Variants in DNAH17 observed in about 807,000 individuals in gnomAD.
DNAH17 encodes dynein axonemal heavy chain 17.
DNAH17 carries 376 observed loss-of-function variants against 485.6 expected under a neutral mutation model. The ratio of observed to expected loss-of-function variants is 0.77; its 90% CI spans 0.71 to 0.84. The LOEUF (loss-of-function observed/expected upper bound fraction) is 0.84, where lower values mean the gene tolerates loss of function less well. DNAH17 is among the 40% of genes least tolerant of loss of function. DNAH17 has a pLI of 0.00. For missense variants in DNAH17, 6,370 were observed against 5,839.3 expected (o/e 1.09, Z -2.96); for synonymous variants, 3,031 against 2,405.9 (o/e 1.26, Z -7.60).
At chr17:78,474,121 C>A (rs2088900102) in intron 54 of DNAH17, among the ~76,000 whole-genome samples, 1 of 152,222 alleles carries the variant, frequency 6.6e-6, no homozygotes, top group Non-Finnish European at 1.5e-5. Context: ...AGGGTCTCTG[C>A]CTGCAGACAC....
intron 44 of DNAH17, among the ~76,000 whole-genome samples, chr17:78,486,943 T>A (rs1275810976): frequency 6.6e-6 from 1 of 150,762 alleles, no homozygotes; most frequent in Non-Finnish European, 1.5e-5. Flanking sequence ...CATTACATCA[T>A]CTGGACTCCT....
chr17:78,531,026 T>C (rs1422390791), intron 20 of DNAH17, among the ~76,000 whole-genome samples: 1 of 152,220 alleles, frequency 6.6e-6, no homozygotes, highest in Non-Finnish European at 1.5e-5. Context: ...TCTGCAGCTG[T>C]TGGGTAAAGT....
rs766955113 is a variant in DNAH17 at position 78,510,514 on chromosome 17, A to G, written c.4114-8T>C. 6.2e-7 allele frequency: 1 copy of G among 1,613,112 alleles called. No homozygotes were observed. The highest frequency in any genetic ancestry group is 1.1e-5 in the South Asian group (1 of 91,050). ...TGACATTTTAAATTTCACCTAAGGGAAAAAAATCCAGGCAGGATTCATTTC... is the reference window on the plus strand; with the variant it reads ...TGACATTTTAAATTTCACCTAAGGGGAAAAAATCCAGGCAGGATTCATTTC... On this transcript the variant is annotated splice_region_variant and splice_polypyrimidine_tract_variant and intron_variant, in intron 26 of 80. Transcript: ENST00000389840.
chr17:78,553,077 A>G (rs1406721298), intron 14 of DNAH17, among the ~76,000 whole-genome samples: 1 of 152,042 alleles, frequency 6.6e-6, no homozygotes, highest in South Asian at 2.1e-4. Flanking sequence ...TCTCCTTTTT[A>G]AACAGGTGTA....
chr17:78,445,110 GTCT>G (rs1275557275), intron 70 of DNAH17, among the ~76,000 whole-genome samples: 1 of 151,576 alleles, frequency 6.6e-6, no homozygotes, highest in African/African-American at 2.4e-5. Flanking sequence ...CCTTCTTCAG[GTCT>G]TTTTGAACAG....
At chr17:78,492,275 C>T (rs550263323) in intron 42 of DNAH17, among the ~76,000 whole-genome samples, 7 of 152,198 alleles carry the variant, frequency 4.6e-5, no homozygotes, top group Admixed American at 6.5e-5. Flanking sequence ...CAGAGCCCAC[C>T]GACTGAGGCC....
intron 4 of DNAH17, 45 bp from the exon 5 acceptor site, chr17:78,571,423 C>T (rs117047821): frequency 0.011 from 16,983 of 1,555,458 alleles, 112 homozygotes; most frequent in Non-Finnish European, 0.013. Flanking sequence ...CCTGGAAGAC[C>T]CTAAGGCGAG....
chr17:78,544,095 C>T, intron 16 of DNAH17, 98 bp from the exon 17 acceptor site: 1 of 1,534,168 alleles, frequency 6.5e-7, no homozygotes, highest in Non-Finnish European at 8.9e-7. Flanking sequence ...TTCGTCACTG[C>T]TGCCTGATCT....
At chr17:78,556,285 A>G (rs11867523) in intron 14 of DNAH17, among the ~76,000 whole-genome samples, 123,953 of 152,010 alleles carry the variant, frequency 0.82, 50,586 homozygotes, top group East Asian at 0.88. Flanking sequence ...GGAGAACTCT[A>G]ACTAATACAA....
rs549411457 is a variant in DNAH17, at chr17:78,512,066, G to A, written c.4114-1560C>T. ...GGGCCCTGGACAGTGTGGTGGGGGCGGAGCAGGAGCCTCTAACACTCCTCC... is the reference window on the plus strand; with the variant it reads ...GGGCCCTGGACAGTGTGGTGGGGGCAGAGCAGGAGCCTCTAACACTCCTCC... On this transcript the variant is annotated intron_variant, in intron 26 of 80. Coordinates refer to ENST00000389840, the MANE Select transcript of DNAH17 (RefSeq NM_173628.4). Among the ~76,000 whole-genome samples, 44 of 152,278 alleles carry A rather than the reference G, an allele frequency of 2.9e-4. No homozygotes were observed. The South Asian group carries it at 4.1e-3, about 14-fold the overall frequency.
chr17:78,529,288 C>T (rs533813069), intron 22 of DNAH17, among the ~76,000 whole-genome samples, 184 bp downstream of exon 22: 6 of 152,260 alleles, frequency 3.9e-5, no homozygotes, highest in African/African-American at 1.4e-4. Flanking sequence ...GGAGGCAGTC[C>T]CCAGGGTCTC....
In DNAH17 at chr17:78,486,467, C is replaced by T. The variant is rs553670291; in HGVS notation, c.6858G>A (p.Ser2286=). 2.8e-5 allele frequency: 45 copies of T among 1,612,942 alleles called. No individual in the cohort carries two copies. The highest frequency in any genetic ancestry group is 1.3e-4 in the East Asian group (6 of 44,872). Residue 2286 remains serine (S), a synonymous_variant, in exon 45 of 81, where the codon TCG becomes TCA. Coordinates refer to ENST00000389840, the MANE Select transcript of DNAH17 (RefSeq NM_173628.4). Reference sequence around the variant, plus strand: ...AGAGGATCATCAGGTTGGCCTTCTCCGACTGCACCTTGCGCCTCTCGATCC... The same window carrying T: ...AGAGGATCATCAGGTTGGCCTTCTCTGACTGCACCTTGCGCCTCTCGATCC... ...SSWIERRKVQ[S]EKANLMILFD...
At chr17:78,459,653 G>A (rs2087995941) in intron 60 of DNAH17, 131 bp downstream of exon 60, 3 of 963,282 alleles carry the variant, frequency 3.1e-6, no homozygotes, top group Admixed American at 2.3e-5. Flanking sequence ...GGTGCTGTAT[G>A]GGGAAGGGGC....
Position 78,501,853 on chromosome 17 carries a change from G to A in DNAH17, c.5211C>T (p.Leu1737=), listed in dbSNP as rs1331566417. Residue 1737 remains leucine, a synonymous_variant, in exon 34 of 81, where the codon CTC becomes CTT. Transcript: ENST00000389840. The part of the protein sequence containing the change: ...NKKQISQLNV[L]ITLLMGNLNA... ...TGAGGTTCCCCATGAGCAGCGTGAT[G>A]AGTACGTTCAGCTGGCTAATCTGCG... The A allele has an allele frequency of 6.2e-7, 1 of 1,614,040 alleles. No homozygotes were observed. The highest frequency in any genetic ancestry group is 8.5e-7 in the Non-Finnish European group (1 of 1,179,904).
chr17:78,437,549 A>T, intron 74 of DNAH17, 92 bp downstream of exon 74: 2 of 935,340 alleles, frequency 2.1e-6, no homozygotes. Flanking sequence ...CCCAGAGTTC[A>T]GAGCGGTCCT....
chr17:78,574,981 T>C lies in DNAH17; in HGVS notation c.77A>G (p.Lys26Arg). ...ASIVLKFKPD[K>R]WSKLIGAEEN... is the part of the protein sequence containing the mutation. ...CTCGGCGCCTATCAGCTTGCTCCAC[T>C]TGTCCGGCTTGAACTTCAGGACGAT... The change falls in exon 2 of 81, where the codon AAG becomes AGG. Residue 26 changes from lysine to arginine, a missense_variant. Coordinates refer to ENST00000389840, the MANE Select transcript of DNAH17 (RefSeq NM_173628.4). 1.2e-6 allele frequency: 2 copies of C among 1,613,992 alleles called. No homozygotes were observed. The highest frequency in any genetic ancestry group is 8.5e-7 in the Non-Finnish European group (1 of 1,179,886).
intron 25 of DNAH17, among the ~76,000 whole-genome samples, chr17:78,521,418 G>T (rs1401686459): frequency 2.6e-5 from 4 of 151,960 alleles, no homozygotes; most frequent in Admixed American, 1.3e-4. Context: ...AAGAAAAAAA[G>T]AATTTTTTTT....
chr17:78,552,512 CTT>C lies in DNAH17; in HGVS notation c.2287+183_2287+184del, dbSNP rs35637364. Among the ~76,000 whole-genome samples the C allele has an allele frequency of 0.072, 9,469 of 132,368 alleles. 644 individuals carry two copies. Among genetic ancestry groups the C allele is most frequent in the African/African-American group, 0.21 (7,347 of 35,766 alleles). 86.8% of individuals were successfully genotyped at this position (132,368 alleles called of 152,430 possible). ...TCCGTTTCTAAGTGACACAGATGGGCTTTTTTTTTTTTTTTTTGCCTGGGCAG... is the reference window on the plus strand; with the variant it reads ...TCCGTTTCTAAGTGACACAGATGGGCTTTTTTTTTTTTTTTGCCTGGGCAG... On this transcript the variant is annotated intron_variant, in intron 15 of 80. Transcript: ENST00000389840.
At chr17:78,439,034 C>A in intron 73 of DNAH17, 56 bp downstream of exon 73, 1 of 1,584,092 alleles carries the variant, frequency 6.3e-7, no homozygotes, top group South Asian at 1.1e-5. Flanking sequence ...TGGCCCATCC[C>A]CATTGGCCAC....
Sources: gnomAD v4.1 joint callset for allele counts (sites outside exome capture counted in the v4.1 genomes callset) on GRCh38, gnomAD v4.1.1 for gene constraint, MANE v1.5 for transcripts, NCBI Gene and HGNC (gene_info 2026-07-23, HGNC 2026-07-21) for gene names.